The following ENAH variants were observed in gnomAD, a reference collection of about 807,000 sequenced individuals.
ENAH encodes the protein ENAH actin regulator, also known as protein enabled homolog.
A neutral mutation model predicts 78.7 loss-of-function variants in ENAH; 23 were observed. That is an observed-to-expected ratio of 0.29 (90% confidence interval 0.21 to 0.41). The LOEUF is 0.41. Ranked by LOEUF, ENAH falls within the 10% of genes least tolerant of loss-of-function variation. ENAH has a pLI of 1.00. For missense variants in ENAH, 544 were observed against 691.0 expected (o/e 0.79, Z 2.39); for synonymous variants, 226 against 241.0 (o/e 0.94, Z 0.58).
intron 12 of ENAH, 29 bp downstream of exon 12, chr1:225,500,963 A>T: frequency 6.2e-7 from 1 of 1,602,184 alleles, no homozygotes. Flanking sequence ...ACAAGTACAA[A>T]TAAAGGAAAG....
chr1:225,550,977 C>T (rs2096638152), intron 3 of ENAH, among the ~76,000 whole-genome samples: 2 of 152,048 alleles, frequency 1.3e-5, no homozygotes, highest in South Asian at 4.2e-4. Context: ...CACCAATTAT[C>T]ACAAAAATTA....
intron 4 of ENAH, among the ~76,000 whole-genome samples, chr1:225,526,434 G>T (rs1278333183): frequency 6.6e-6 from 1 of 151,674 alleles, no homozygotes; most frequent in Non-Finnish European, 1.5e-5. Flanking sequence ...GGCCTCCCGG[G>T]TTCAAGCGAT....
intron 10 of ENAH, among the ~76,000 whole-genome samples, chr1:225,509,934 T>TA (rs1360943376): frequency 6.6e-6 from 1 of 152,200 alleles, no homozygotes; most frequent in Non-Finnish European, 1.5e-5. Flanking sequence ...CAAGGAATAC[T>TA]AAGATGTCAC....
intron 2 of ENAH, among the ~76,000 whole-genome samples, chr1:225,556,580 T>C (rs2096668041): frequency 6.6e-6 from 1 of 152,218 alleles, no homozygotes; most frequent in African/African-American, 2.4e-5. Context: ...ATATTCTAGA[T>C]ATGATATCAT....
intron 1 of ENAH, 32 bp downstream of exon 1, chr1:225,652,654 C>G (rs1240084893): frequency 5.5e-6 from 7 of 1,267,154 alleles, no homozygotes; most frequent in Non-Finnish European, 7.0e-6. Context: ...GGCACAATGG[C>G]CCGCCCGGCC....
chr1:225,551,277 A>G (rs911331401), intron 3 of ENAH, among the ~76,000 whole-genome samples: 1 of 152,154 alleles, frequency 6.6e-6, no homozygotes, highest in African/African-American at 2.4e-5. Flanking sequence ...AGATAATTGC[A>G]TACCAAGTTA....
At chr1:225,592,903 C>T (rs2096883691) in intron 1 of ENAH, among the ~76,000 whole-genome samples, 1 of 152,158 alleles carries the variant, frequency 6.6e-6, no homozygotes, top group Admixed American at 6.5e-5. Flanking sequence ...TGAAAAACAG[C>T]CTGTCCACTA....
chr1:225,528,290 AAG>A (rs2096520408), intron 4 of ENAH, among the ~76,000 whole-genome samples: 2 of 152,218 alleles, frequency 1.3e-5, no homozygotes, highest in African/African-American at 4.8e-5. Flanking sequence ...GTGCCTGGAG[AAG>A]AGTCTACAGA....
chr1:225,563,467 C>G (rs2096718983), intron 2 of ENAH, among the ~76,000 whole-genome samples: 1 of 152,112 alleles, frequency 6.6e-6, no homozygotes, highest in African/African-American at 2.4e-5. Context: ...TAATTTTATG[C>G]CTAATGTGAT....
intron 1 of ENAH, among the ~76,000 whole-genome samples, chr1:225,645,611 G>A (rs954906127): frequency 2.0e-5 from 3 of 152,192 alleles, no homozygotes; most frequent in Non-Finnish European, 2.9e-5. Context: ...GTTTTCTAAA[G>A]CAGCTGCACC....
At chr1:225,612,238 A>G (rs775397208) in intron 1 of ENAH, among the ~76,000 whole-genome samples, 12 of 152,254 alleles carry the variant, frequency 7.9e-5, no homozygotes, top group Non-Finnish European at 1.5e-4. Flanking sequence ...ACGATGGAAT[A>G]TTAGCCATAA....
In ENAH at chr1:225,488,278, G is replaced by A. The variant is rs1024481099; in HGVS notation, c.*9497C>T. The A allele has an allele frequency of 1.3e-5, 2 of 151,982 alleles. No homozygotes were observed. The highest frequency in any genetic ancestry group is 2.9e-5 in the Non-Finnish European group (2 of 68,034). The allele number at this position is 151,982 out of a possible 1,614,324, so 9.4% of individuals were successfully genotyped here. On this transcript the variant is annotated 3_prime_UTR_variant, in exon 14 of 14. Coordinates refer to ENST00000366843, the MANE Select transcript of ENAH (RefSeq NM_018212.6). ...AGTGATCCTTCTGCCTCAGCCCCCC[G>A]AGTCGCTGTGCCTAGGAGCACGCAC...
intron 7 of ENAH, among the ~76,000 whole-genome samples, chr1:225,513,626 A>G (rs1220431109): frequency 5.3e-5 from 8 of 152,168 alleles, no homozygotes; most frequent in Admixed American, 3.9e-4. Context: ...TTGTTCTTAT[A>G]AAATTCACAC....
intron 1 of ENAH, among the ~76,000 whole-genome samples, chr1:225,584,273 A>T (rs1161916944): frequency 6.6e-6 from 1 of 152,274 alleles, no homozygotes; most frequent in Non-Finnish European, 1.5e-5. Context: ...AGACAAATAC[A>T]GCAAAACAAA....
intron 1 of ENAH, among the ~76,000 whole-genome samples, chr1:225,597,552 G>A (rs925040825): frequency 1.9e-4 from 28 of 151,234 alleles, no homozygotes; most frequent in East Asian, 1.4e-3. Context: ...AGCTACCCAG[G>A]AGCCCGAGAC....
chr1:225,576,018 C>T (rs1296526943), intron 1 of ENAH, among the ~76,000 whole-genome samples: 2 of 152,040 alleles, frequency 1.3e-5, no homozygotes, highest in Non-Finnish European at 2.9e-5. Flanking sequence ...GCTCAGAGCT[C>T]CTCAACTCAT....
chr1:225,652,706 G>C lies in ENAH; in HGVS notation c.-16C>G. Reference sequence around the variant, plus strand: ...CTCACCTCATGGTGCCGGCGGCGCAGAGGCTTCCCCACCAGCCGGGAGACG... The same window carrying C: ...CTCACCTCATGGTGCCGGCGGCGCACAGGCTTCCCCACCAGCCGGGAGACG... On this transcript the variant is annotated 5_prime_UTR_variant, in exon 1 of 14. Coordinates refer to ENST00000366843, the MANE Select transcript of ENAH (RefSeq NM_018212.6). The C allele has an allele frequency of 1.5e-6, 2 of 1,321,768 alleles. No homozygotes were observed. Among genetic ancestry groups the C allele is most frequent in the South Asian group, 4.3e-5 (2 of 46,946 alleles). The allele number at this position is 1,321,768 out of a possible 1,614,324, so 81.9% of individuals were successfully genotyped here.
intron 3 of ENAH, among the ~76,000 whole-genome samples, chr1:225,549,560 A>G (rs934328073): frequency 1.3e-5 from 2 of 152,218 alleles, no homozygotes; most frequent in African/African-American, 4.8e-5. Context: ...GGGTCCTCGC[A>G]TCACTACAGT....
intron 3 of ENAH, among the ~76,000 whole-genome samples, chr1:225,542,590 C>T (rs1360597147): frequency 6.6e-6 from 1 of 152,198 alleles, no homozygotes; most frequent in Non-Finnish European, 1.5e-5. Context: ...CAACACAAGA[C>T]AGCTAATATT....
Sources: allele counts gnomAD v4.1 joint callset (sites outside exome capture counted in the v4.1 genomes callset), GRCh38; gene constraint gnomAD v4.1.1; transcripts MANE v1.5; gene names NCBI Gene and HGNC (gene_info 2026-07-23, HGNC 2026-07-21).